CYLC1: variants seen among roughly 807,000 people sequenced by gnomAD.
CYLC1 encodes cylicin 1.
Under a neutral mutation model 31.6 loss-of-function variants are expected in CYLC1, and 2 were observed. That is an observed-to-expected ratio of 0.06 (90% CI 0.03 to 0.20). The LOEUF is 0.20. Ranked by LOEUF, CYLC1 falls within the 10% of genes least tolerant of loss-of-function variation. The pLI, the probability that CYLC1 is intolerant of heterozygous loss-of-function variation, is 1.00. For synonymous variants in CYLC1, 185 were observed against 153.0 expected, an observed-to-expected ratio of 1.21 and a Z score of -1.54; for missense variants, 595 against 424.1, an observed-to-expected ratio of 1.40 and a Z score of -3.54.
chrX:83,885,469 TTA>T (rs890852109), intron 4 of CYLC1, among the ~76,000 whole-genome samples: 7 of 109,181 alleles, frequency 6.4e-5, no homozygotes, highest in Admixed American at 4.0e-4. Context: ...AATGCGACTA[TTA>T]TATATATATA....
intron 4 of CYLC1, among the ~76,000 whole-genome samples, chrX:83,884,440 C>G (rs2031955421): frequency 9.0e-6 from 1 of 110,589 alleles, no homozygotes; most frequent in African/African-American, 3.3e-5. Context: ...TAATTAAGTC[C>G]CAGCTATTTG....
intron 4 of CYLC1, among the ~76,000 whole-genome samples, chrX:83,876,305 G>T (rs1467008156): frequency 9.1e-6 from 1 of 110,257 alleles, no homozygotes; most frequent in Non-Finnish European, 1.9e-5. Flanking sequence ...TTGAGTTAAT[G>T]GATGGCTAAC....
chrX:83,871,736 C>T (rs909997018), intron 3 of CYLC1, among the ~76,000 whole-genome samples, 166 bp downstream of exon 3: 1 of 110,741 alleles, frequency 9.0e-6, no homozygotes, highest in African/African-American at 3.3e-5. Context: ...AGATTAAGCT[C>T]ATATTTGTAC....
At chrX:83,877,912 A>ATATATT (rs2031799283) in intron 4 of CYLC1, among the ~76,000 whole-genome samples, 1 of 22,553 alleles carries the variant, frequency 4.4e-5, no homozygotes, top group Non-Finnish European at 1.3e-4. Flanking sequence ...ATATATAAAT[A>ATATATT]TATATATATA....
In CYLC1 at chrX:83,873,431, T is replaced by C; in HGVS notation, c.723T>C (p.Asn241=). ...NDPISEICSE[N]SLNVDFLMLV... is the part of the protein sequence containing the mutation. ...CCATATCAGAGATTTGCTCAGAAAATAGTTTAAATGTTGATTTCCTCATGT... is the reference window on the plus strand; with the variant it reads ...CCATATCAGAGATTTGCTCAGAAAACAGTTTAAATGTTGATTTCCTCATGT... The change falls in exon 4 of 5, where the codon AAT becomes AAC. Residue 241 remains asparagine, a synonymous_variant. Coordinates refer to ENST00000329312, the MANE Select transcript of CYLC1 (RefSeq NM_021118.3). 1 of 1,202,196 alleles carries C rather than the reference T, an allele frequency of 8.3e-7. No homozygotes were observed. The highest frequency in any genetic ancestry group is 1.1e-6 in the Non-Finnish European group (1 of 891,449).
intron 4 of CYLC1, among the ~76,000 whole-genome samples, chrX:83,881,853 C>T (rs1042746049): frequency 3.7e-5 from 4 of 108,552 alleles, no homozygotes; most frequent in African/African-American, 6.7e-5. Context: ...CCCACCACCA[C>T]GCCCAGCTAA....
chrX:83,864,853 C>A, intron 1 of CYLC1: 1 of 223,479 alleles, frequency 4.5e-6, no homozygotes, highest in Admixed American at 6.6e-5. Context: ...GGTTTTCCTT[C>A]TATCATATTA....
intron 1 of CYLC1, among the ~76,000 whole-genome samples, chrX:83,865,263 TACACAC>T (rs769989735): frequency 1.7e-4 from 19 of 108,629 alleles, no homozygotes; most frequent in Admixed American, 3.0e-4. Flanking sequence ...TAAACATGCA[TACACAC>T]ACACACACAC....
At chrX:83,868,867 T>A (rs1337958334) in intron 1 of CYLC1, among the ~76,000 whole-genome samples, 1 of 110,836 alleles carries the variant, frequency 9.0e-6, no homozygotes, top group Non-Finnish European at 1.9e-5. Context: ...TCTTGTATAT[T>A]CTCGAATCCT....
At position 83,873,834 on chromosome X, in the gene CYLC1, G is replaced by T; in HGVS notation, c.1126G>T (p.Asp376Tyr). Reference protein sequence around the residue: ...YPESTDTESGDAKDARNDSRN... With the variant: ...YPESTDTESGYAKDARNDSRN... ...AGAGTCTACTGATACTGAATCAGGA[G>T]ATGCAAAGGATGCAAGAAATGATTC... The change falls in exon 4 of 5, where the codon GAT (aspartate) becomes TAT (tyrosine). Residue 376 changes from aspartate (D) to tyrosine (Y), a missense_variant. By Grantham distance (160) the Asp-to-Tyr change is radical (BLOSUM62 -3). Transcript: ENST00000329312. 5 of 1,178,061 alleles carry T rather than the reference G, an allele frequency of 4.2e-6. No individual in the cohort carries two copies. Among genetic ancestry groups the T allele is most frequent in the Non-Finnish European group, 5.8e-6 (5 of 868,602 alleles).
intron 4 of CYLC1, among the ~76,000 whole-genome samples, chrX:83,881,939 G>A (rs2031914746): frequency 9.1e-6 from 1 of 109,929 alleles, no homozygotes; most frequent in African/African-American, 3.3e-5. Context: ...TTCGTGATCT[G>A]CCCACCTCAG....
In CYLC1 at chrX:83,861,202, A is replaced by G. The variant is rs778786693; in HGVS notation, c.17+3A>G. 1.3e-5 allele frequency: 15 copies of G among 1,184,663 alleles called. No individual in the cohort carries two copies. The South Asian group carries it at 2.8e-4, about 22-fold the overall frequency. On this transcript the variant is annotated splice_donor_region_variant and intron_variant, in intron 1 of 4. Transcript: ENST00000329312. ...GGGGAAATGTCTCTTCCAAGGTTGT[A>G]AGTCCTCTTTTTAATATTTTTTTAG...
intron 1 of CYLC1, chrX:83,864,599 G>T: frequency 4.5e-6 from 1 of 223,972 alleles, no homozygotes; most frequent in Non-Finnish European, 8.2e-6. Flanking sequence ...ATATATGGTG[G>T]ATAATTCAAA....
chrX:83,886,616 G>T lies in CYLC1; in HGVS notation c.*32G>T. The T allele has an allele frequency of 8.6e-7, 1 of 1,156,934 alleles. No individual in the cohort carries two copies. The highest frequency in any genetic ancestry group is 1.2e-6 in the Non-Finnish European group (1 of 847,391). On this transcript the variant is annotated 3_prime_UTR_variant, in exon 5 of 5. Transcript: ENST00000329312. ...ACTGAGCACTTGGTTTCACAGAATGGCCTTACCACAGTAAGCACCACCTAC... is the reference window on the plus strand; with the variant it reads ...ACTGAGCACTTGGTTTCACAGAATGTCCTTACCACAGTAAGCACCACCTAC...
At chrX:83,872,710 C>T (rs1269308816) in intron 3 of CYLC1, among the ~76,000 whole-genome samples, 176 bp from the exon 4 acceptor site, 1 of 64,740 alleles carries the variant, frequency 1.5e-5, no homozygotes, top group Admixed American at 2.0e-4. Flanking sequence ...CTCTTTCTGT[C>T]TCTCTCTTAC....
At chrX:83,886,230 T>C (rs988678657) in intron 4 of CYLC1, among the ~76,000 whole-genome samples, 2 of 111,303 alleles carry the variant, frequency 1.8e-5, no homozygotes, top group Non-Finnish European at 3.8e-5. Flanking sequence ...GTAACATTGC[T>C]GGGCCTTGGC....
chrX:83,874,346 A>G lies in CYLC1; in HGVS notation c.1638A>G (p.Glu546=), dbSNP rs2031728016. The G allele has an allele frequency of 3.3e-6, 4 of 1,209,942 alleles. No homozygotes were observed. Among genetic ancestry groups the G allele is most frequent in the East Asian group, 3.0e-5 (1 of 33,781 alleles). ...TCAAAGGTTCAGATACTGAATCTGA[A>G]GAGTCACTATATAAACCTGGGGCTA... is the stretch of plus-strand genomic sequence containing the variant. ...TKIKGSDTES[E]ESLYKPGAKK... The change falls in exon 4 of 5, where the codon GAA becomes GAG. Residue 546 remains glutamate (E), a synonymous_variant. Coordinates refer to ENST00000329312, the MANE Select transcript of CYLC1 (RefSeq NM_021118.3).
Position 83,874,025 on chromosome X carries a change from T to C in CYLC1, c.1317T>C (p.Asn439=). The C allele has an allele frequency of 1.7e-6, 2 of 1,197,945 alleles. No homozygotes were observed. Among genetic ancestry groups the C allele is most frequent in the Non-Finnish European group, 2.2e-6 (2 of 889,221 alleles). Residue 439 remains asparagine (N), a synonymous_variant, in exon 4 of 5, where the codon AAT becomes AAC. Coordinates refer to ENST00000329312, the MANE Select transcript of CYLC1 (RefSeq NM_021118.3). ...SKTDNKKSVK[N]DEESTDADSE... is the part of the protein sequence containing the mutation. Reference sequence around the variant, plus strand: ...CAGATAATAAAAAGTCTGTCAAGAATGATGAAGAGTCTACTGATGCTGACT... The same window carrying C: ...CAGATAATAAAAAGTCTGTCAAGAACGATGAAGAGTCTACTGATGCTGACT...
In CYLC1 at chrX:83,882,145, T is replaced by G. The variant is rs759942047; in HGVS notation, c.1924-4407T>G. On this transcript the variant is annotated intron_variant, in intron 4 of 4. Transcript: ENST00000329312. ...AGTGCCTACTGATATGTTTCTGTTT[T>G]TATTTCCTCTGCTGGTTATTTCCAT... 9.3e-4 allele frequency among the ~76,000 whole-genome samples: 104 copies of G among 111,383 alleles called. 1 individual carries two copies. The highest frequency in any genetic ancestry group is 3.3e-3 in the African/African-American group (102 of 30,720).
Sources: allele counts gnomAD v4.1 joint callset (sites outside exome capture counted in the v4.1 genomes callset), GRCh38; gene constraint gnomAD v4.1.1; transcripts MANE v1.5; gene names NCBI Gene and HGNC (gene_info 2026-07-23, HGNC 2026-07-21).